The following XKR6 variants were observed in gnomAD, a reference collection of about 807,000 sequenced individuals.
XKR6 encodes the protein XK related 6.
Under a neutral mutation model 56.7 loss-of-function variants are expected in XKR6, and 22 were observed. The ratio of observed to expected loss-of-function variants is 0.39; its 90% CI spans 0.28 to 0.55. The LOEUF (loss-of-function observed/expected upper bound fraction) is 0.55, where lower values mean the gene tolerates loss of function less well. Ranked by LOEUF, XKR6 falls within the 20% of genes least tolerant of loss-of-function variation. The pLI is 0.66. For missense variants in XKR6, 852 were observed against 889.0 expected, an observed-to-expected ratio of 0.96 and a Z score of 0.53; for synonymous variants, 524 against 387.8, an observed-to-expected ratio of 1.35 and a Z score of -4.13.
Position 11,191,724 on chromosome 8 carries a change from G to C in XKR6, c.764+8852C>G, listed in dbSNP as rs575988771. 1.5e-3 allele frequency among the ~76,000 whole-genome samples: 225 copies of C among 151,190 alleles called. 1 individual carries two copies. The highest frequency in any genetic ancestry group is 5.1e-3 in the African/African-American group (209 of 41,252). Reference sequence around the variant, plus strand: ...GAGAAAAAAAAAAAAAAAACAGAGAGGGACTATTCTAAAGAAACAGCAATA... The same window carrying C: ...GAGAAAAAAAAAAAAAAAACAGAGACGGACTATTCTAAAGAAACAGCAATA... On this transcript the variant is annotated intron_variant, in intron 1 of 2. Transcript: ENST00000416569.
At chr8:11,112,003 T>C (rs1798919663) in intron 1 of XKR6, 1 of 152,252 alleles carries the variant, frequency 6.6e-6, no homozygotes, top group African/African-American at 2.4e-5. Flanking sequence ...ATACTTTTTA[T>C]CGTCTTACCA....
At chr8:11,067,101 T>C (rs1423249166) in intron 1 of XKR6, 1 of 152,234 alleles carries the variant, frequency 6.6e-6, no homozygotes, top group Non-Finnish European at 1.5e-5. Context: ...CTGTAAGCTG[T>C]GTCTTAGGGA....
At chr8:11,010,744 C>A (rs1344809060) in intron 1 of XKR6, among the ~76,000 whole-genome samples, 1 of 152,118 alleles carries the variant, frequency 6.6e-6, no homozygotes, top group African/African-American at 2.4e-5. Flanking sequence ...TTCTTTACTA[C>A]CTTTTTTTCT....
intron 1 of XKR6, among the ~76,000 whole-genome samples, chr8:11,052,563 A>G (rs1420970037): frequency 2.0e-5 from 3 of 151,984 alleles, no homozygotes; most frequent in Non-Finnish European, 4.4e-5. Context: ...GGGTGGGGGC[A>G]TCTCCTTCAG....
chr8:11,048,255 G>A lies in XKR6; in HGVS notation c.765-123425C>T, dbSNP rs143246484. On this transcript the variant is annotated intron_variant, in intron 1 of 2. Coordinates refer to ENST00000416569, the MANE Select transcript of XKR6 (RefSeq NM_173683.4). The stretch of plus-strand genomic sequence containing the variant: ...CTCACACCATCAGCAAGGGGAATCC[G>A]GCCCTTGTTTCTCAACATTCTTTGC... Among the ~76,000 whole-genome samples the A allele has an allele frequency of 3.5e-4, 53 of 152,202 alleles. No homozygotes were observed. In the East Asian group the frequency reaches 8.9e-3, roughly 26 times the overall value.
chr8:11,201,103 G>T lies in XKR6; in HGVS notation c.237C>A (p.Gly79=). 1.3e-6 allele frequency: 2 copies of T among 1,501,168 alleles called. No homozygotes were observed. The highest frequency in any genetic ancestry group is 1.8e-6 in the Non-Finnish European group (2 of 1,132,322). The allele number at this position is 1,501,168 out of a possible 1,614,324, so 93.0% of individuals were successfully genotyped here. A position where few individuals can be genotyped will look rare whatever the true frequency, so the allele number is the denominator to read the frequency against. ...CGGCGGCGCTGCGGCGCGGCTTCCT[G>T]CCCAGGAGGGAGCGCAGGCAGGCGG... is the stretch of plus-strand genomic sequence containing the variant. The part of the protein sequence containing the change: ...CRSACLRSLL[G]RKPRRSAAAD... Residue 79 remains glycine, a synonymous_variant, in exon 1 of 3, where the codon GGC becomes GGA. Transcript: ENST00000416569.
chr8:10,897,903 T>A lies in XKR6; in HGVS notation c.*49A>T, dbSNP rs747442393. The A allele has an allele frequency of 5.9e-6, 9 of 1,517,640 alleles. No individual in the cohort carries two copies. The East Asian group carries it at 1.8e-4, about 31-fold the overall frequency. 94.0% of individuals were successfully genotyped at this position (1,517,640 alleles called of 1,614,324 possible). On this transcript the variant is annotated 3_prime_UTR_variant, in exon 3 of 3. Coordinates refer to ENST00000416569, the MANE Select transcript of XKR6 (RefSeq NM_173683.4). ...GGTTATATTTCTTGCAAGTGCTGTT[T>A]GCCGCAAACCAAACTTAAGGTCCCC... is the stretch of plus-strand genomic sequence containing the variant.
rs560218231 is a variant in XKR6 at position 10,959,714 on chromosome 8, A to G, written c.765-34884T>C. On this transcript the variant is annotated intron_variant, in intron 1 of 2. Transcript: ENST00000416569. ...CCATCCCACTGTGGGTTACCCTTCAATATATGAATTTCACAGGACACAAAC... is the reference window on the plus strand; with the variant it reads ...CCATCCCACTGTGGGTTACCCTTCAGTATATGAATTTCACAGGACACAAAC... Among the ~76,000 whole-genome samples, 80 of 152,264 alleles carry G rather than the reference A, an allele frequency of 5.3e-4. 1 individual carries two copies. The highest frequency in any genetic ancestry group is 1.7e-3 in the African/African-American group (72 of 41,538).
At chr8:10,902,241 C>A (rs990813179) in intron 2 of XKR6, among the ~76,000 whole-genome samples, 3 of 152,248 alleles carry the variant, frequency 2.0e-5, no homozygotes, top group Non-Finnish European at 2.9e-5. Flanking sequence ...AGGCATCTGA[C>A]TGGGGAGTCT....
chr8:11,011,052 T>G (rs144099615), intron 1 of XKR6, among the ~76,000 whole-genome samples: 1 of 152,330 alleles, frequency 6.6e-6, no homozygotes, highest in Non-Finnish European at 1.5e-5. Flanking sequence ...TTATCCCTGT[T>G]TAACAGATGA....
intron 1 of XKR6, among the ~76,000 whole-genome samples, chr8:11,068,063 C>G (rs540683313): frequency 6.6e-6 from 1 of 152,214 alleles, no homozygotes; most frequent in African/African-American, 2.4e-5. Flanking sequence ...TCTCCAGGGC[C>G]GGCCTCAGCA....
intron 1 of XKR6, among the ~76,000 whole-genome samples, chr8:10,950,809 C>A (rs55846140): frequency 0.16 from 24,178 of 152,266 alleles, 2,166 homozygotes; most frequent in Middle Eastern, 0.25. Context: ...GTGTCGAACA[C>A]TTTCCAGGTC....
At chr8:11,025,368 G>A (rs1439024946) in intron 1 of XKR6, among the ~76,000 whole-genome samples, 2 of 152,184 alleles carry the variant, frequency 1.3e-5, no homozygotes, top group Non-Finnish European at 2.9e-5. Context: ...AAGAGGAGCC[G>A]ATGCCTTTGG....
chr8:11,040,657 C>T (rs970419292), intron 1 of XKR6, among the ~76,000 whole-genome samples: 1 of 152,152 alleles, frequency 6.6e-6, no homozygotes, highest in African/African-American at 2.4e-5. Context: ...TCTCCTGGTT[C>T]GTAGACGATG....
chr8:11,090,771 CT>C (rs33994405), intron 1 of XKR6, among the ~76,000 whole-genome samples: 44,199 of 151,754 alleles, frequency 0.29, 6,917 homozygotes, highest in African/African-American at 0.36. Flanking sequence ...TTTATAAATT[CT>C]GAACACCAAT....
chr8:10,984,720 C>A (rs1271708890), intron 1 of XKR6, among the ~76,000 whole-genome samples: 27 of 83,258 alleles, frequency 3.2e-4, no homozygotes, highest in African/African-American at 1.3e-3. Context: ...CTCTCTCTCT[C>A]TCTCTCTCTC....
chr8:10,911,656 T>C (rs1339015704), intron 2 of XKR6, among the ~76,000 whole-genome samples: 1 of 146,288 alleles, frequency 6.8e-6, no homozygotes, highest in Non-Finnish European at 1.5e-5. Context: ...ATAGAATATA[T>C]ATATATCTAT....
At chr8:11,192,330 T>G (rs570103037) in intron 1 of XKR6, among the ~76,000 whole-genome samples, 1 of 152,224 alleles carries the variant, frequency 6.6e-6, no homozygotes, top group East Asian at 1.9e-4. Flanking sequence ...GGCTAATTTT[T>G]GTATTTTTAA....
At chr8:10,947,292 A>G (rs1170097598) in intron 1 of XKR6, among the ~76,000 whole-genome samples, 1 of 152,174 alleles carries the variant, frequency 6.6e-6, no homozygotes, top group East Asian at 1.9e-4. Context: ...GGATGAACCG[A>G]AAAGGAGAGC....
Sources: allele counts gnomAD v4.1 joint callset (sites outside exome capture counted in the v4.1 genomes callset), GRCh38; gene constraint gnomAD v4.1.1; transcripts MANE v1.5; gene names NCBI Gene and HGNC (gene_info 2026-07-23, HGNC 2026-07-21).